The following VAV3 variants were observed in gnomAD, a reference collection of about 807,000 sequenced individuals.
VAV3 encodes vav guanine nucleotide exchange factor 3.
A neutral mutation model predicts 131.2 loss-of-function variants in VAV3; 94 were observed. The observed-to-expected ratio is 0.72, with a 90% CI of 0.61 to 0.85. VAV3 has a LOEUF of 0.85. Ranked by LOEUF, VAV3 falls within the 40% of genes least tolerant of loss-of-function variation. The pLI is 0.00. For missense variants in VAV3, 939 were observed against 1,002.7 expected, an observed-to-expected ratio of 0.94 and a Z score of 0.86; for synonymous variants, 349 against 342.0, an observed-to-expected ratio of 1.02 and a Z score of -0.22.
chr1:107,772,943 A>G (rs1665137910), intron 4 of VAV3, 100 bp from the exon 5 acceptor site: 1 of 995,506 alleles, frequency 1.0e-6, no homozygotes, highest in African/African-American at 1.6e-5. Context: ...CAGAAAGGAA[A>G]TAAAATGGAA....
At chr1:107,894,275 G>A (rs371370027) in intron 1 of VAV3, among the ~76,000 whole-genome samples, 2 of 152,110 alleles carry the variant, frequency 1.3e-5, no homozygotes, top group East Asian at 1.9e-4. Flanking sequence ...TCACTGCAGA[G>A]AGCAAATTTT....
chr1:107,690,921 C>T (rs1659386068), intron 17 of VAV3, among the ~76,000 whole-genome samples: 2 of 152,130 alleles, frequency 1.3e-5, no homozygotes, highest in Admixed American at 1.3e-4. Context: ...GCTGAGTGTG[C>T]CACATAAATA....
At chr1:107,631,345 C>T (rs1432742404) in intron 20 of VAV3, among the ~76,000 whole-genome samples, 1 of 151,804 alleles carries the variant, frequency 6.6e-6, no homozygotes, top group East Asian at 1.9e-4. Flanking sequence ...GCTAACTGTT[C>T]CATGGTCCCT....
intron 15 of VAV3, among the ~76,000 whole-genome samples, chr1:107,747,925 C>G (rs74761871): frequency 6.6e-5 from 10 of 151,660 alleles, no homozygotes; most frequent in Admixed American, 3.3e-4. Context: ...TACATTAACA[C>G]GAGCATTTCT....
At chr1:107,660,720 T>C (rs1346988499) in intron 19 of VAV3, among the ~76,000 whole-genome samples, 1 of 152,202 alleles carries the variant, frequency 6.6e-6, no homozygotes, top group African/African-American at 2.4e-5. Flanking sequence ...ACACACCCAA[T>C]GCTTATTTTC....
chr1:107,866,300 T>A (rs1428079109), intron 2 of VAV3, among the ~76,000 whole-genome samples: 2 of 152,170 alleles, frequency 1.3e-5, no homozygotes, highest in Non-Finnish European at 2.9e-5. Flanking sequence ...AGGCAAGAAT[T>A]GAGATTCCTG....
intron 21 of VAV3, among the ~76,000 whole-genome samples, chr1:107,612,979 T>G (rs1333375203): frequency 6.6e-6 from 1 of 152,148 alleles, no homozygotes; most frequent in East Asian, 1.9e-4. Context: ...GTGTCAATCT[T>G]CTCCTGGGCA....
rs371799312 is a variant in VAV3 at position 107,910,991 on chromosome 1, G to GA, written c.205-35975dup. 2.3e-3 allele frequency among the ~76,000 whole-genome samples: 296 copies of GA among 129,356 alleles called. 3 individuals are homozygous for GA. Among genetic ancestry groups the GA allele is most frequent in the African/African-American group, 7.9e-3 (280 of 35,256 alleles). 84.9% of individuals were successfully genotyped at this position (129,356 alleles called of 152,430 possible). The stretch of plus-strand genomic sequence containing the variant: ...AGAGCAAGACTCAGTCTCATTAAAA[G>GA]AAAAAAAAAAGAAAAAAAAAGCAAG... On this transcript the variant is annotated intron_variant, in intron 1 of 26. Coordinates refer to ENST00000370056, the MANE Select transcript of VAV3 (RefSeq NM_006113.5).
chr1:107,609,859 C>T (rs1309838748), intron 22 of VAV3, 72 bp downstream of exon 22: 2 of 1,479,136 alleles, frequency 1.4e-6, no homozygotes, highest in Non-Finnish European at 1.9e-6. Flanking sequence ...TTTACTACCC[C>T]CACATTTAAG....
chr1:107,695,786 G>A (rs1325742649), intron 17 of VAV3, among the ~76,000 whole-genome samples: 1 of 152,132 alleles, frequency 6.6e-6, no homozygotes, highest in Non-Finnish European at 1.5e-5. Flanking sequence ...CATCAAGGAG[G>A]ATGATTAGCA....
intron 25 of VAV3, among the ~76,000 whole-genome samples, chr1:107,587,356 T>A (rs1650580807): frequency 6.6e-6 from 1 of 152,062 alleles, no homozygotes; most frequent in African/African-American, 2.4e-5. Context: ...CAGTCATATA[T>A]CAGGAAAAAA....
At chr1:107,854,794 G>A (rs1669393019) in intron 2 of VAV3, among the ~76,000 whole-genome samples, 1 of 152,182 alleles carries the variant, frequency 6.6e-6, no homozygotes, top group Non-Finnish European at 1.5e-5. Flanking sequence ...GAAAAAGGTT[G>A]AGAACTGCTG....
At chr1:107,920,900 T>C (rs1268928916) in intron 1 of VAV3, among the ~76,000 whole-genome samples, 1 of 152,208 alleles carries the variant, frequency 6.6e-6, no homozygotes, top group Non-Finnish European at 1.5e-5. Flanking sequence ...TATTTATACT[T>C]TATTCTCTTC....
intron 1 of VAV3, among the ~76,000 whole-genome samples, chr1:107,949,018 C>T (rs981631664): frequency 1.3e-5 from 2 of 152,152 alleles, no homozygotes; most frequent in Admixed American, 6.5e-5. Flanking sequence ...TTTTAACTTA[C>T]AACCTATATC....
rs531529233 is a variant in VAV3 at position 107,716,510 on chromosome 1, G to A, written c.1503-11449C>T. ...AGATAATCATGTGGTTTTTGTCTTT[G>A]GTTCTGTTTATGTGATGGATTACGT... On this transcript the variant is annotated intron_variant, in intron 15 of 26. Transcript: ENST00000370056. Among the ~76,000 whole-genome samples, 147 of 152,254 alleles carry A rather than the reference G, an allele frequency of 9.7e-4. 1 individual carries two copies. The highest frequency in any genetic ancestry group is 1.9e-3 in the Non-Finnish European group (128 of 68,030).
chr1:107,753,549 T>TATACAC (rs771773884), intron 12 of VAV3, among the ~76,000 whole-genome samples: 2 of 82,050 alleles, frequency 2.4e-5, no homozygotes, highest in African/African-American at 9.2e-5. Context: ...TATATATATA[T>TATACAC]ACACACACAC....
intron 20 of VAV3, among the ~76,000 whole-genome samples, chr1:107,632,565 C>T (rs950170599): frequency 4.6e-5 from 7 of 152,154 alleles, no homozygotes; most frequent in Non-Finnish European, 2.9e-5. Context: ...GTATCCATAA[C>T]GCAATTCTGA....
At chr1:107,792,120 T>G (rs1319193888) in intron 2 of VAV3, among the ~76,000 whole-genome samples, 1 of 152,228 alleles carries the variant, frequency 6.6e-6, no homozygotes, top group African/African-American at 2.4e-5. Context: ...TTCCCCATTG[T>G]TCCACTGAAC....
intron 10 of VAV3, among the ~76,000 whole-genome samples, chr1:107,759,373 C>T (rs764528928): frequency 2.0e-5 from 3 of 152,126 alleles, no homozygotes; most frequent in Non-Finnish European, 4.4e-5. Context: ...TATTAAAGTT[C>T]CCAATCACCC....
Sources: allele counts gnomAD v4.1 joint callset (sites outside exome capture counted in the v4.1 genomes callset), GRCh38; gene constraint gnomAD v4.1.1; transcripts MANE v1.5; gene names NCBI Gene and HGNC (gene_info 2026-07-23, HGNC 2026-07-21).